PDS5A: variants seen among roughly 807,000 people sequenced by gnomAD.
PDS5A encodes the protein PDS5 cohesin associated factor A.
Under a neutral mutation model 167.1 loss-of-function variants are expected in PDS5A, and 42 were observed. That is an observed-to-expected ratio of 0.25 (90% confidence interval 0.20 to 0.33). The LOEUF (loss-of-function observed/expected upper bound fraction) is 0.33. Among genes scored for constraint, PDS5A ranks in the 10% least tolerant of loss-of-function variants. PDS5A has a pLI of 1.00. For synonymous variants in PDS5A, 553 were observed against 554.6 expected (o/e 1.00, Z 0.04); for missense variants, 1,033 against 1,605.9 (o/e 0.64, Z 6.10).
At chr4:39,906,656 C>T (rs1723376269) in intron 11 of PDS5A, among the ~76,000 whole-genome samples, 1 of 149,794 alleles carries the variant, frequency 6.7e-6, no homozygotes, top group Non-Finnish European at 1.5e-5. Context: ...ATGGTGGGAG[C>T]CTGTAGTACC....
Position 39,852,911 on chromosome 4 carries a change from C to T in PDS5A, c.3087-3259G>A, listed in dbSNP as rs141511134. On this transcript the variant is annotated intron_variant, in intron 26 of 32. Coordinates refer to ENST00000303538, the MANE Select transcript of PDS5A (RefSeq NM_001100399.2). ...CTAATCCTGGTAAATTTTATCTTTG[C>T]CTAAGACATTTCACTGCCTCAGACA... Among the ~76,000 whole-genome samples, 646 of 152,264 alleles carry T rather than the reference C, an allele frequency of 4.2e-3. 6 individuals carry two copies. The highest frequency in any genetic ancestry group is 0.015 in the African/African-American group (613 of 41,552).
intron 21 of PDS5A, among the ~76,000 whole-genome samples, chr4:39,872,001 C>T (rs1720081136): frequency 6.6e-6 from 1 of 152,030 alleles, no homozygotes; most frequent in African/African-American, 2.4e-5. Flanking sequence ...CCACCAAGCC[C>T]TGCCAGTAGT....
chr4:39,851,234 A>G (rs1177221872), intron 26 of PDS5A, among the ~76,000 whole-genome samples: 3 of 152,310 alleles, frequency 2.0e-5, no homozygotes, highest in Admixed American at 2.0e-4. Context: ...TTACCTTCAT[A>G]TAATCCTCAT....
At chr4:39,971,511 A>G (rs1730535554) in intron 2 of PDS5A, among the ~76,000 whole-genome samples, 1 of 151,884 alleles carries the variant, frequency 6.6e-6, no homozygotes, top group African/African-American at 2.4e-5. Flanking sequence ...CACCCAGGCT[A>G]TAGTGCAGTG....
At position 39,949,821 on chromosome 4, in the gene PDS5A, GA is replaced by G. The variant is rs59869303; in HGVS notation, c.139-21658del. Reference sequence around the variant, plus strand: ...GGCGACAGAATAAGACTCTGTCTCAGAAAAAAAAAAAAAAGAAAAACACCAC... The same window carrying G: ...GGCGACAGAATAAGACTCTGTCTCAGAAAAAAAAAAAAAGAAAAACACCAC... On this transcript the variant is annotated intron_variant, in intron 2 of 32. Transcript: ENST00000303538. 5.4e-4 allele frequency among the ~76,000 whole-genome samples: 36 copies of G among 67,202 alleles called. 2 individuals are homozygous for G. The highest frequency in any genetic ancestry group is 0.014 in the Middle Eastern group (1 of 72). 44.1% of individuals were successfully genotyped at this position (67,202 alleles called of 152,430 possible).
chr4:39,878,946 G>A (rs1720709695), intron 18 of PDS5A, among the ~76,000 whole-genome samples: 1 of 152,114 alleles, frequency 6.6e-6, no homozygotes, highest in African/African-American at 2.4e-5. Flanking sequence ...GTTTCCCCAT[G>A]TTGGCCAGGA....
intron 9 of PDS5A, among the ~76,000 whole-genome samples, chr4:39,911,835 TAAAA>T (rs35068853): frequency 1.6e-5 from 2 of 125,286 alleles, no homozygotes. Flanking sequence ...CCGTCTCAAT[TAAAA>T]AAAAAAAAAA....
intron 15 of PDS5A, 63 bp downstream of exon 15, chr4:39,898,714 G>T: frequency 9.5e-7 from 1 of 1,053,530 alleles, no homozygotes. Flanking sequence ...TAGTCCCACT[G>T]GGTAAATACT....
chr4:39,868,646 A>G (rs1719753782), intron 22 of PDS5A: 1 of 452,980 alleles, frequency 2.2e-6, no homozygotes, highest in African/African-American at 2.0e-5. Context: ...ATTATTTTTA[A>G]TATTTTGTAG....
intron 7 of PDS5A, among the ~76,000 whole-genome samples, chr4:39,918,402 A>G (rs981622514): frequency 5.9e-5 from 9 of 152,098 alleles, no homozygotes; most frequent in African/African-American, 2.2e-4. Context: ...TACAAGGCCA[A>G]GAGCGCAAAT....
At chr4:39,912,337 G>A (rs775060057) in intron 9 of PDS5A, among the ~76,000 whole-genome samples, 8 of 152,098 alleles carry the variant, frequency 5.3e-5, no homozygotes, top group Non-Finnish European at 8.8e-5. Flanking sequence ...GAAGCCTTGC[G>A]TTTTTGCTTA....
At chr4:39,941,409 T>G (rs1266781054) in intron 2 of PDS5A, among the ~76,000 whole-genome samples, 1 of 152,222 alleles carries the variant, frequency 6.6e-6, no homozygotes, top group African/African-American at 2.4e-5. Flanking sequence ...AATGGCAGTT[T>G]ACTCACTGAG....
chr4:39,929,275 A>T (rs1276796274), intron 2 of PDS5A, among the ~76,000 whole-genome samples: 1 of 151,938 alleles, frequency 6.6e-6, no homozygotes, highest in Non-Finnish European at 1.5e-5. Context: ...TGGGGAAGGC[A>T]GGTCCACTGT....
intron 27 of PDS5A, 67 bp from the exon 28 acceptor site, chr4:39,849,037 T>G: frequency 1.8e-6 from 2 of 1,083,314 alleles, no homozygotes; most frequent in Admixed American, 2.4e-5. Context: ...CCAATTCCAC[T>G]AAATGTATAA....
At chr4:39,917,575 T>C (rs1437760185) in intron 7 of PDS5A, among the ~76,000 whole-genome samples, 1 of 147,816 alleles carries the variant, frequency 6.8e-6, no homozygotes, top group Non-Finnish European at 1.5e-5. Context: ...CAATCTTTGA[T>C]TTTTTTTTTC....
intron 32 of PDS5A, among the ~76,000 whole-genome samples, chr4:39,830,790 C>A (rs193130677): frequency 1.2e-3 from 188 of 152,204 alleles, no homozygotes; most frequent in African/African-American, 4.3e-3. Flanking sequence ...TTAAAGTATG[C>A]CACTTTCAAA....
At position 39,862,068 on chromosome 4, in the gene PDS5A, G is replaced by A. The variant is rs541993218; in HGVS notation, c.3086+151C>T. 81 of 368,638 alleles carry A rather than the reference G, an allele frequency of 2.2e-4. 1 individual carries two copies. The highest frequency in any genetic ancestry group is 3.7e-4 in the Non-Finnish European group (76 of 204,020). 22.8% of individuals were successfully genotyped at this position (368,638 alleles called of 1,614,324 possible). A position where few individuals can be genotyped will look rare whatever the true frequency, so the allele number is the denominator to read the frequency against. On this transcript the variant is annotated intron_variant, in intron 26 of 32. Coordinates refer to ENST00000303538, the MANE Select transcript of PDS5A (RefSeq NM_001100399.2). Reference sequence around the variant, plus strand: ...CTGGTAGATGGGAAAATTTTTGAAAGACGAAACTGGAAATTTATAATAAAT... The same window carrying A: ...CTGGTAGATGGGAAAATTTTTGAAAAACGAAACTGGAAATTTATAATAAAT...
In PDS5A at chr4:39,849,660, TA is replaced by T; in HGVS notation, c.3087-9del. On this transcript the variant is annotated splice_polypyrimidine_tract_variant and intron_variant, in intron 26 of 32. Coordinates refer to ENST00000303538, the MANE Select transcript of PDS5A (RefSeq NM_001100399.2). ...AGCATGAACCATAGGCACCTAAATG[TA>T]AACATATTAAAGAGACTAGACGTAG... 6.3e-7 allele frequency: 1 copy of T among 1,599,546 alleles called. No homozygotes were observed. Among genetic ancestry groups the T allele is most frequent in the Non-Finnish European group, 8.6e-7 (1 of 1,167,926 alleles).
chr4:39,930,254 T>G (rs1725928076), intron 2 of PDS5A, among the ~76,000 whole-genome samples: 6 of 118,470 alleles, frequency 5.1e-5, no homozygotes, highest in Non-Finnish European at 5.8e-5. Flanking sequence ...AAAGTTTTTT[T>G]GTTTTTTGTT....
Sources: allele counts gnomAD v4.1 joint callset (sites outside exome capture counted in the v4.1 genomes callset), GRCh38; gene constraint gnomAD v4.1.1; transcripts MANE v1.5; gene names NCBI Gene and HGNC (gene_info 2026-07-23, HGNC 2026-07-21).